The following ITGB1 variants were observed in gnomAD, a reference collection of about 807,000 sequenced individuals.
ITGB1 encodes the protein integrin beta-1.
ITGB1 carries 24 observed loss-of-function variants against 86.5 expected under a neutral mutation model. The ratio of observed to expected loss-of-function variants is 0.28; its 90% CI spans 0.20 to 0.39. ITGB1 has a LOEUF of 0.39. Ranked by LOEUF, ITGB1 falls within the 10% of genes least tolerant of loss-of-function variation. The probability of loss-of-function intolerance (pLI) is 1.00; values close to 1 mark genes in which losing one functional copy is unlikely to be tolerated. For synonymous variants in ITGB1, 323 were observed against 316.8 expected (o/e 1.02, Z -0.21); for missense variants, 556 against 946.9 (o/e 0.59, Z 5.42).
chr10:32,924,258 T>C (rs1038010802), intron 6 of ITGB1, among the ~76,000 whole-genome samples: 1 of 152,168 alleles, frequency 6.6e-6, no homozygotes, highest in African/African-American at 2.4e-5. Context: ...AAGTATCTTG[T>C]TTAAGGATAA....
Position 32,911,567 on chromosome 10 carries a change from T to C in ITGB1, c.1812A>G (p.Gly604=). The change falls in exon 13 of 16, where the codon GGA becomes GGG. Residue 604 remains glycine, a synonymous_variant. Coordinates refer to ENST00000302278, the MANE Select transcript of ITGB1 (RefSeq NM_002211.4). ...AGATGCCCCGGCCATTGCAGATCTG[T>C]CCGTTGCTGGCTTCACAAGTACTAG... The part of the protein sequence containing the change: ...LDTSTCEASN[G]QICNGRGICE... 2 of 1,614,158 alleles carry C rather than the reference T, an allele frequency of 1.2e-6. No individual in the cohort carries two copies. The highest frequency in any genetic ancestry group is 1.7e-5 in the Admixed American group (1 of 60,020).
chr10:32,923,380 T>A (rs1264518801), intron 7 of ITGB1, among the ~76,000 whole-genome samples: 1 of 152,154 alleles, frequency 6.6e-6, no homozygotes, highest in Non-Finnish European at 1.5e-5. Flanking sequence ...GAGGCCCTTG[T>A]CTGAGCAGAA....
chr10:32,911,769 A>G, intron 12 of ITGB1, 99 bp from the exon 13 acceptor site: 1 of 1,445,922 alleles, frequency 6.9e-7, no homozygotes, highest in Non-Finnish European at 9.6e-7. Context: ...AAGTATACCT[A>G]GGGGCGAGAC....
chr10:32,942,952 G>A (rs1382568092), intron 1 of ITGB1, among the ~76,000 whole-genome samples: 1 of 152,132 alleles, frequency 6.6e-6, no homozygotes, highest in African/African-American at 2.4e-5. Flanking sequence ...GGAGTTGGAA[G>A]CTGCAGTAAG....
At chr10:32,950,987 T>C (rs912649725) in intron 1 of ITGB1, among the ~76,000 whole-genome samples, 4 of 152,046 alleles carry the variant, frequency 2.6e-5, no homozygotes, top group African/African-American at 4.8e-5. Flanking sequence ...AAGGGAAAGA[T>C]AAATAATGGA....
intron 3 of ITGB1, 42 bp downstream of exon 3, chr10:32,932,473 G>T (rs775180484): frequency 5.5e-6 from 6 of 1,087,016 alleles, no homozygotes; most frequent in South Asian, 3.7e-5. Context: ...CACACTAAAT[G>T]ACCAGAGAAC....
intron 1 of ITGB1, among the ~76,000 whole-genome samples, chr10:32,943,588 G>A (rs1158072407): frequency 4.6e-5 from 7 of 152,018 alleles, no homozygotes; most frequent in Non-Finnish European, 1.0e-4. Context: ...AGGGGACCAC[G>A]GAAACAAGGA....
chr10:32,920,105 T>C (rs752496276), intron 10 of ITGB1, 21 bp from the exon 11 acceptor site: 6 of 1,599,170 alleles, frequency 3.8e-6, no homozygotes, highest in Non-Finnish European at 8.6e-7. Context: ...AAAAAAAGAT[T>C]AACAACCAAC....
At chr10:32,947,734 A>G (rs2095034654) in intron 1 of ITGB1, among the ~76,000 whole-genome samples, 2 of 152,184 alleles carry the variant, frequency 1.3e-5, no homozygotes, top group Non-Finnish European at 1.5e-5. Flanking sequence ...ATGACAGCAG[A>G]TATTTGTGGC....
chr10:32,912,227 A>C (rs909170314), intron 11 of ITGB1, 103 bp from the exon 12 acceptor site: 1 of 872,334 alleles, frequency 1.1e-6, no homozygotes, highest in African/African-American at 1.7e-5. Context: ...TCCCAGCGTG[A>C]GCGACACAGA....
At chr10:32,941,995 C>T (rs1364820981) in intron 1 of ITGB1, among the ~76,000 whole-genome samples, 1 of 152,054 alleles carries the variant, frequency 6.6e-6, no homozygotes, top group African/African-American at 2.4e-5. Context: ...GAGTTAGAGA[C>T]ACAGACATGA....
chr10:32,945,884 A>C (rs1257491616), intron 1 of ITGB1, among the ~76,000 whole-genome samples: 1 of 152,172 alleles, frequency 6.6e-6, no homozygotes, highest in Non-Finnish European at 1.5e-5. Context: ...CTTTCAATTT[A>C]CTCAGAATTT....
intron 1 of ITGB1, chr10:32,944,948 G>C: frequency 6.6e-6 from 8 of 1,208,380 alleles, no homozygotes; most frequent in Non-Finnish European, 9.6e-6. Context: ...ATATTACCAA[G>C]CTTTTCTACA....
At chr10:32,917,844 GTA>G (rs1465525212) in intron 11 of ITGB1, among the ~76,000 whole-genome samples, 6 of 152,186 alleles carry the variant, frequency 3.9e-5, no homozygotes, top group Admixed American at 1.3e-4. Flanking sequence ...CCATTACTGG[GTA>G]TATACCCAAA....
chr10:32,906,069 C>T (rs2094895478), intron 15 of ITGB1, among the ~76,000 whole-genome samples: 1 of 151,796 alleles, frequency 6.6e-6, no homozygotes, highest in Non-Finnish European at 1.5e-5. Context: ...GACACACACA[C>T]ATATATATAT....
chr10:32,944,798 A>G, intron 1 of ITGB1: 1 of 818,358 alleles, frequency 1.2e-6, no homozygotes, highest in Non-Finnish European at 2.1e-6. Context: ...CTGAGTCTAC[A>G]ACATTGAATT....
chr10:32,931,595 A>T (rs1259303761), intron 3 of ITGB1, among the ~76,000 whole-genome samples: 1 of 152,130 alleles, frequency 6.6e-6, no homozygotes, highest in African/African-American at 2.4e-5. Context: ...ATGTAATCCC[A>T]ACACACCACT....
Position 32,922,722 on chromosome 10 carries a change from A to G in ITGB1, c.956T>C (p.Ile319Thr). 6.3e-7 allele frequency: 1 copy of G among 1,584,236 alleles called. No homozygotes were observed. ...ACTCAGTTTCTGGACAAGGTGAGCA[A>G]TAGAAGGATAATCCTAAGAAATCAA... ...TMSHYYDYPS[I>T]AHLVQKLSEN... The change falls in exon 8 of 16, where the codon ATT becomes ACT. Residue 319 changes from isoleucine (I) to threonine (T), a missense_variant. Physicochemically the swap from Ile to Thr is moderately conservative, Grantham distance 89 (BLOSUM62 -1). Around this residue, in one of 4 missense-constraint regions of ITGB1, gnomAD observed 330 missense variants for 531.5 expected, o/e 0.62. Coordinates refer to ENST00000302278, the MANE Select transcript of ITGB1 (RefSeq NM_002211.4).
intron 1 of ITGB1, among the ~76,000 whole-genome samples, chr10:32,957,157 T>C (rs1387307057): frequency 6.6e-6 from 1 of 152,172 alleles, no homozygotes; most frequent in African/African-American, 2.4e-5. Flanking sequence ...TAAAAATGAA[T>C]TATTAATGTA....
Sources: allele counts gnomAD v4.1 joint callset (sites outside exome capture counted in the v4.1 genomes callset), GRCh38; gene constraint gnomAD v4.1.1; regional missense constraint gnomAD v4.1.1; transcripts MANE v1.5; gene names NCBI Gene and HGNC (gene_info 2026-07-23, HGNC 2026-07-21).